Variants in PDZRN4 observed in about 807,000 individuals in gnomAD.
PDZRN4 encodes the protein PDZ domain containing ring finger 4.
PDZRN4 carries 70 observed loss-of-function variants against 99.0 expected under a neutral mutation model. The observed-to-expected ratio is 0.71, with a 90% confidence interval of 0.58 to 0.86. The LOEUF (loss-of-function observed/expected upper bound fraction) is 0.86. PDZRN4 is among the 40% of genes least tolerant of loss of function. The pLI is 0.00. For missense variants in PDZRN4, 1,474 were observed against 1,331.2 expected, an observed-to-expected ratio of 1.11 and a Z score of -1.67; for synonymous variants, 551 against 501.6, an observed-to-expected ratio of 1.10 and a Z score of -1.32.
intron 3 of PDZRN4, among the ~76,000 whole-genome samples, chr12:41,256,440 A>T (rs1460120363): frequency 2.0e-5 from 3 of 152,226 alleles, no homozygotes. Context: ...TCAATTGAAT[A>T]TTCAATAAAT....
chr12:41,197,102 A>G (rs1471232717), intron 3 of PDZRN4, among the ~76,000 whole-genome samples: 2 of 152,130 alleles, frequency 1.3e-5, no homozygotes, highest in Non-Finnish European at 2.9e-5. Flanking sequence ...TATAGTCAAG[A>G]TATGCTCAAA....
intron 3 of PDZRN4, among the ~76,000 whole-genome samples, chr12:41,302,988 C>A (rs1309614531): frequency 6.6e-6 from 1 of 151,430 alleles, no homozygotes; most frequent in African/African-American, 2.4e-5. Context: ...ACATACACTA[C>A]TCAGACACTC....
At position 41,555,731 on chromosome 12, in the gene PDZRN4, CG is replaced by C. The variant is rs1565614234; in HGVS notation, c.1338del (p.Ile447PhefsTer10). The C allele has an allele frequency of 6.2e-7, 1 of 1,613,878 alleles. No homozygotes were observed. On this transcript the variant is annotated frameshift_variant, in exon 7 of 10. Transcript: ENST00000402685. LOFTEE classifies it high-confidence loss of function. ...AAATAGCATTGCTGCCAAAGACGGC[CG>C]GATTCGAGAAGGGGATCGGATTTTG... is the stretch of plus-strand genomic sequence containing the variant. ...DPNSIAAKDGRIREGDRILQI... is the reference protein window; with the variant it reads ...DPNSIAAKDGXIREGDRILQI...
In PDZRN4 at chr12:41,563,951, AG is replaced by A. The variant is rs1592114692; in HGVS notation, c.1467+308del. Among the ~76,000 whole-genome samples the A allele has an allele frequency of 2.0e-5, 3 of 152,174 alleles. No homozygotes were observed. The South Asian group carries it at 6.2e-4, about 32-fold the overall frequency. ...GAATGGCAGCTAAATATCCCTTTTAAGGGGGGAAAAGCATACCAAATTGAAT... is the reference window on the plus strand; with the variant it reads ...GAATGGCAGCTAAATATCCCTTTTAAGGGGGAAAAGCATACCAAATTGAAT... On this transcript the variant is annotated intron_variant, in intron 8 of 9. Coordinates refer to ENST00000402685, the MANE Select transcript of PDZRN4 (RefSeq NM_001164595.2).
intron 3 of PDZRN4, among the ~76,000 whole-genome samples, chr12:41,290,041 C>T (rs779763248): frequency 6.6e-6 from 1 of 152,188 alleles, no homozygotes; most frequent in Non-Finnish European, 1.5e-5. Context: ...TGAGAAGCCA[C>T]TGTGTACATA....
At chr12:41,255,624 A>C (rs1289779431) in intron 3 of PDZRN4, among the ~76,000 whole-genome samples, 1 of 152,110 alleles carries the variant, frequency 6.6e-6, no homozygotes, top group African/African-American at 2.4e-5. Flanking sequence ...TACATTAGTC[A>C]GTTTTTGTGT....
At chr12:41,528,852 A>C (rs1480334345) in intron 5 of PDZRN4, among the ~76,000 whole-genome samples, 1 of 152,196 alleles carries the variant, frequency 6.6e-6, no homozygotes, top group African/African-American at 2.4e-5. Context: ...CCTGCCTTTC[A>C]TCTGCTGCAG....
chr12:41,572,957 G>C lies in PDZRN4; in HGVS notation c.2178G>C (p.Glu726Asp), dbSNP rs141535438. 1 of 1,613,970 alleles carries C rather than the reference G, an allele frequency of 6.2e-7. No individual in the cohort carries two copies. Among genetic ancestry groups the C allele is most frequent in the Admixed American group, 1.7e-5 (1 of 59,996 alleles). The change falls in exon 10 of 10, where the codon GAG (glutamate) becomes GAC (aspartate). Residue 726 changes from glutamate (E) to aspartate (D), a missense_variant. Coordinates refer to ENST00000402685, the MANE Select transcript of PDZRN4 (RefSeq NM_001164595.2). The stretch of plus-strand genomic sequence containing the variant: ...GGGGAAAGCTAGATGACATCATGGA[G>C]CATCCAGAAAAGTCTGACAAGGACA... ...MQRGKLDDIM[E>D]HPEKSDKDSS...
In PDZRN4 at chr12:41,538,683, A is replaced by G. The variant is rs149924604; in HGVS notation, c.1204-13973A>G. Among the ~76,000 whole-genome samples the G allele has an allele frequency of 4.2e-4, 64 of 152,296 alleles. 1 individual carries two copies. The East Asian group carries it at 0.012, about 29-fold the overall frequency. ...CAAAAAAATTAAACATTTTTAATAAATAAATACATTAAATAAATTAAACAT... is the reference window on the plus strand; with the variant it reads ...CAAAAAAATTAAACATTTTTAATAAGTAAATACATTAAATAAATTAAACAT... On this transcript the variant is annotated intron_variant, in intron 5 of 9. Transcript: ENST00000402685.
chr12:41,470,765 A>G (rs1004337895), intron 3 of PDZRN4, among the ~76,000 whole-genome samples: 2 of 152,106 alleles, frequency 1.3e-5, no homozygotes, highest in African/African-American at 4.8e-5. Flanking sequence ...AATGATACAG[A>G]TCGCTTCTGC....
intron 9 of PDZRN4, among the ~76,000 whole-genome samples, chr12:41,570,709 A>G (rs1939457308): frequency 6.6e-6 from 1 of 152,200 alleles, no homozygotes; most frequent in African/African-American, 2.4e-5. Context: ...TTTGAGAGTT[A>G]TATGGTGTAG....
chr12:41,259,305 T>C (rs377350806), intron 3 of PDZRN4, among the ~76,000 whole-genome samples: 1 of 151,994 alleles, frequency 6.6e-6, no homozygotes, highest in African/African-American at 2.4e-5. Context: ...GAGACACTCA[T>C]AAAAATAGAC....
Position 41,307,143 on chromosome 12 carries a change from C to T in PDZRN4, c.843+112955C>T, listed in dbSNP as rs141492795. On this transcript the variant is annotated intron_variant, in intron 3 of 9. Coordinates refer to ENST00000402685, the MANE Select transcript of PDZRN4 (RefSeq NM_001164595.2). ...TTTCAGTATTTGTTATAGCAGCACC[C>T]TATTTCTCAGTACCAATTCCTATCT... Among the ~76,000 whole-genome samples the T allele has an allele frequency of 7.8e-4, 118 of 152,206 alleles. No homozygotes were observed. In the East Asian group the frequency reaches 0.021, roughly 27 times the overall value.
chr12:41,260,921 C>A (rs1951234385), intron 3 of PDZRN4, among the ~76,000 whole-genome samples: 2 of 152,122 alleles, frequency 1.3e-5, no homozygotes, highest in Non-Finnish European at 2.9e-5. Flanking sequence ...ATATCACCCC[C>A]CGTAGTCAAG....
At chr12:41,336,308 T>C (rs914984128) in intron 3 of PDZRN4, among the ~76,000 whole-genome samples, 6 of 152,164 alleles carry the variant, frequency 3.9e-5, no homozygotes, top group African/African-American at 1.2e-4. Context: ...GACCATTGTA[T>C]GTCACTGGCT....
At chr12:41,531,954 A>G (rs1420730940) in intron 5 of PDZRN4, among the ~76,000 whole-genome samples, 1 of 152,196 alleles carries the variant, frequency 6.6e-6, no homozygotes, top group Non-Finnish European at 1.5e-5. Flanking sequence ...AGTAAAATAT[A>G]TTAATTTTTT....
At chr12:41,532,688 C>T (rs1393796508) in intron 5 of PDZRN4, among the ~76,000 whole-genome samples, 1 of 152,156 alleles carries the variant, frequency 6.6e-6, no homozygotes, top group Non-Finnish European at 1.5e-5. Flanking sequence ...GAAATCCCAG[C>T]TCTTCCATTT....
chr12:41,295,699 G>T (rs994238812), intron 3 of PDZRN4, among the ~76,000 whole-genome samples: 9 of 152,096 alleles, frequency 5.9e-5, no homozygotes, highest in African/African-American at 2.2e-4. Context: ...GTCTGAACAG[G>T]ATCTAGTTTG....
intron 3 of PDZRN4, among the ~76,000 whole-genome samples, chr12:41,211,818 T>C (rs1020878928): frequency 7.2e-5 from 11 of 151,986 alleles, no homozygotes; most frequent in Non-Finnish European, 1.3e-4. Flanking sequence ...AGGATTATAG[T>C]TTTTAACGAG....
Sources: gnomAD v4.1 joint callset for allele counts (sites outside exome capture counted in the v4.1 genomes callset) on GRCh38, gnomAD v4.1.1 for gene constraint, MANE v1.5 for transcripts, NCBI Gene and HGNC (gene_info 2026-07-23, HGNC 2026-07-21) for gene names.